SEC23A: variants seen among roughly 807,000 people sequenced by gnomAD.
SEC23A encodes the protein protein transport protein Sec23A.
SEC23A carries 56 observed loss-of-function variants against 103.7 expected under a neutral mutation model. The observed-to-expected ratio is 0.54, with a 90% CI of 0.44 to 0.67. The LOEUF is 0.67. SEC23A is among the 30% of genes least tolerant of loss of function. The pLI, the probability that SEC23A is intolerant of heterozygous loss-of-function variation, is 0.00. For missense variants in SEC23A, 784 were observed against 936.4 expected (o/e 0.84, Z 2.12); for synonymous variants, 281 against 293.0 (o/e 0.96, Z 0.42).
chr14:39,061,005 T>C (rs909918080), intron 13 of SEC23A, among the ~76,000 whole-genome samples: 1 of 152,194 alleles, frequency 6.6e-6, no homozygotes, highest in Non-Finnish European at 1.5e-5. Flanking sequence ...ACCAGTGCCA[T>C]GAAGTCAAAA....
chr14:39,058,596 C>T (rs150583500), intron 13 of SEC23A, among the ~76,000 whole-genome samples: 2,180 of 152,274 alleles, frequency 0.014, 59 homozygotes, highest in African/African-American at 0.049. Flanking sequence ...CGTGAGCCAC[C>T]GCGCCCGGCC....
chr14:39,032,940 T>C lies in SEC23A; in HGVS notation c.*299A>G. 1 of 279,716 alleles carries C rather than the reference T, an allele frequency of 3.6e-6. No individual in the cohort carries two copies. 17.3% of individuals were successfully genotyped at this position (279,716 alleles called of 1,614,324 possible). On this transcript the variant is annotated 3_prime_UTR_variant, in exon 20 of 20. Transcript: ENST00000307712. The stretch of plus-strand genomic sequence containing the variant: ...GTCTGTCTGCAATATACAAATGAGT[T>C]ACATCTGTAGTACGAGGCAGACTCT...
At chr14:39,072,001 A>C (rs903496770) in intron 9 of SEC23A, among the ~76,000 whole-genome samples, 13 of 152,078 alleles carry the variant, frequency 8.5e-5, no homozygotes, top group African/African-American at 3.1e-4. Flanking sequence ...TAGGAGGCCG[A>C]GGTGGGTGGA....
At chr14:39,094,371 TATAC>T (rs1214810215) in intron 2 of SEC23A, among the ~76,000 whole-genome samples, 7 of 15,960 alleles carry the variant, frequency 4.4e-4, no homozygotes, top group South Asian at 1.9e-3. Flanking sequence ...TACATATATA[TATAC>T]ACACACACAC....
Position 39,033,335 on chromosome 14 carries a change from G to GC in SEC23A, c.2209-8_2209-7insG, listed in dbSNP as rs1555325279. 2.8e-6 allele frequency: 4 copies of GC among 1,411,574 alleles called. No homozygotes were observed. The highest frequency in any genetic ancestry group is 1.2e-5 in the South Asian group (1 of 85,978). 87.4% of individuals were successfully genotyped at this position (1,411,574 alleles called of 1,614,324 possible). A position where few individuals can be genotyped will look rare whatever the true frequency, so the allele number is the denominator to read the frequency against. On this transcript the variant is annotated splice_polypyrimidine_tract_variant and splice_region_variant and intron_variant, in intron 19 of 19. Coordinates refer to ENST00000307712, the MANE Select transcript of SEC23A (RefSeq NM_006364.4). The stretch of plus-strand genomic sequence containing the variant: ...GAATAGGTGCTCCAGACTCCTAGAG[G>GC]AAAAAAGATATTTGTTATGATTAAA...
chr14:39,094,371 TATACAC>T (rs869272823), intron 2 of SEC23A, among the ~76,000 whole-genome samples: 254 of 15,938 alleles, frequency 0.016, 44 homozygotes, highest in African/African-American at 0.056. Context: ...TACATATATA[TATACAC>T]ACACACACAC....
At position 39,094,430 on chromosome 14, in the gene SEC23A, ATATATATATATATTTTT is replaced by A. The variant is rs1342976324; in HGVS notation, c.222-1203_222-1187del. Among the ~76,000 whole-genome samples, 50 of 39,220 alleles carry A rather than the reference ATATATATATATATTTTT, an allele frequency of 1.3e-3. 11 individuals are homozygous for A. The highest frequency in any genetic ancestry group is 8.5e-3 in the African/African-American group (43 of 5,052). The allele number at this position is 39,220 out of a possible 152,430, so 25.7% of individuals were successfully genotyped here. A position where few individuals can be genotyped will look rare whatever the true frequency, so the allele number is the denominator to read the frequency against. ...TATATATATATATATATATATATAT[ATATATATATATATTTTT>A]TTTTTTTTTTTTTCCCCTCCTGTAG... On this transcript the variant is annotated intron_variant, in intron 2 of 19. Coordinates refer to ENST00000307712, the MANE Select transcript of SEC23A (RefSeq NM_006364.4).
At chr14:39,078,226 G>T (rs1887106380) in intron 7 of SEC23A, among the ~76,000 whole-genome samples, 1 of 152,076 alleles carries the variant, frequency 6.6e-6, no homozygotes, top group Non-Finnish European at 1.5e-5. Context: ...CTGCACTCCA[G>T]CCTAGGCAAC....
At chr14:39,056,476 C>CTT (rs532329340) in intron 13 of SEC23A, among the ~76,000 whole-genome samples, 10 of 142,968 alleles carry the variant, frequency 7.0e-5, no homozygotes, top group African/African-American at 1.0e-4. Flanking sequence ...GACAAATTAG[C>CTT]TTTTTTTTTT....
intron 14 of SEC23A, among the ~76,000 whole-genome samples, chr14:39,053,787 A>T (rs1466934501): frequency 2.0e-5 from 3 of 152,200 alleles, no homozygotes; most frequent in Admixed American, 1.3e-4. Flanking sequence ...TGCATAAAGA[A>T]GTACCTTCAA....
At chr14:39,078,059 G>T (rs993034724) in intron 7 of SEC23A, among the ~76,000 whole-genome samples, 2 of 152,018 alleles carry the variant, frequency 1.3e-5, no homozygotes, top group African/African-American at 2.4e-5. Context: ...AGATCAGCCT[G>T]GGCAACAAAG....
chr14:39,042,174 G>A (rs1434828414), intron 17 of SEC23A, among the ~76,000 whole-genome samples: 4 of 152,180 alleles, frequency 2.6e-5, no homozygotes, highest in African/African-American at 9.7e-5. Flanking sequence ...GTAAGTTTGA[G>A]AACAGATCTG....
Position 39,066,992 on chromosome 14 carries a change from T to C in SEC23A, c.1227+181A>G, listed in dbSNP as rs116586895. Reference sequence around the variant, plus strand: ...ATTGTTCAGAAATGCTCAAGTAAAGTCTCACACATTGAATGATGACACTCT... The same window carrying C: ...ATTGTTCAGAAATGCTCAAGTAAAGCCTCACACATTGAATGATGACACTCT... On this transcript the variant is annotated intron_variant, in intron 10 of 19. Coordinates refer to ENST00000307712, the MANE Select transcript of SEC23A (RefSeq NM_006364.4). 3.4e-3 allele frequency among the ~76,000 whole-genome samples: 518 copies of C among 152,308 alleles called. 5 individuals are homozygous for C. The highest frequency in any genetic ancestry group is 0.012 in the African/African-American group (497 of 41,558).
At chr14:39,097,384 T>C (rs910084216) in intron 1 of SEC23A, among the ~76,000 whole-genome samples, 4 of 152,132 alleles carry the variant, frequency 2.6e-5, no homozygotes, top group African/African-American at 9.7e-5. Context: ...TTGAAAGAAG[T>C]GAACTGTGAA....
chr14:39,054,445 A>G (rs1886174874), intron 14 of SEC23A, among the ~76,000 whole-genome samples: 1 of 152,140 alleles, frequency 6.6e-6, no homozygotes, highest in Admixed American at 6.6e-5. Context: ...TATATTTTGC[A>G]TGTTAATATG....
intron 1 of SEC23A, among the ~76,000 whole-genome samples, chr14:39,096,759 GT>G (rs1887906558): frequency 6.6e-6 from 1 of 152,108 alleles, no homozygotes. Context: ...TAGATCCTAT[GT>G]TTTCCATATC....
At chr14:39,042,741 A>G in intron 17 of SEC23A, 45 bp downstream of exon 17, 2 of 1,252,248 alleles carry the variant, frequency 1.6e-6, no homozygotes, top group Non-Finnish European at 2.3e-6. Flanking sequence ...CTTTCTAAGT[A>G]AAAAGACTTT....
chr14:39,093,328 C>A lies in SEC23A; in HGVS notation c.222-84G>T, dbSNP rs1032782165. 2.0e-5 allele frequency: 22 copies of A among 1,117,756 alleles called. No homozygotes were observed. The Admixed American group carries it at 3.5e-4, about 18-fold the overall frequency. The allele number at this position is 1,117,756 out of a possible 1,614,324, so 69.2% of individuals were successfully genotyped here. A position where few individuals can be genotyped will look rare whatever the true frequency, so the allele number is the denominator to read the frequency against. ...ATCCTAATTTCAATAAAATTAATTT[C>A]TTCCTAAAACATGAACATATTCAAA... is the stretch of plus-strand genomic sequence containing the variant. On this transcript the variant is annotated intron_variant, in intron 2 of 19. Transcript: ENST00000307712.
At chr14:39,063,466 T>A in intron 11 of SEC23A, 53 bp from the exon 12 acceptor site, 2 of 1,164,084 alleles carry the variant, frequency 1.7e-6, no homozygotes, top group Non-Finnish European at 2.5e-6. Context: ...ATTTATTAAT[T>A]TTATATTAAA....
Sources: allele counts gnomAD v4.1 joint callset (sites outside exome capture counted in the v4.1 genomes callset), GRCh38; gene constraint gnomAD v4.1.1; transcripts MANE v1.5; gene names NCBI Gene and HGNC (gene_info 2026-07-23, HGNC 2026-07-21).